The following KCNH8 variants were observed in gnomAD, a reference collection of about 807,000 sequenced individuals.
KCNH8 encodes potassium voltage-gated channel subfamily H member 8.
In KCNH8, 70 loss-of-function variants were observed where a neutral mutation model predicts 103.6. The ratio of observed to expected loss-of-function variants is 0.68; its 90% CI spans 0.56 to 0.82. The LOEUF is 0.82. KCNH8 is among the 40% of genes least tolerant of loss of function. KCNH8 has a pLI of 0.00. For synonymous variants in KCNH8, 498 were observed against 489.4 expected, an observed-to-expected ratio of 1.02 and a Z score of -0.23; for missense variants, 1,217 against 1,329.9, an observed-to-expected ratio of 0.92 and a Z score of 1.32.
At chr3:19,287,486 T>C (rs2064847765) in intron 3 of KCNH8, among the ~76,000 whole-genome samples, 1 of 152,224 alleles carries the variant, frequency 6.6e-6, no homozygotes, top group South Asian at 2.1e-4. Context: ...ATTGTAGCAC[T>C]TTCTTGTATG....
Position 19,513,065 on chromosome 3 carries a change from CT to C in KCNH8, c.2176del (p.Ser726ProfsTer26). 6.2e-7 allele frequency: 1 copy of C among 1,613,618 alleles called. No individual in the cohort carries two copies. Among genetic ancestry groups the C allele is most frequent in the Non-Finnish European group, 8.5e-7 (1 of 1,179,808 alleles). On this transcript the variant is annotated frameshift_variant, in exon 13 of 16. Coordinates refer to ENST00000328405, the MANE Select transcript of KCNH8 (RefSeq NM_144633.3). LOFTEE classifies it high-confidence loss of function. Reference sequence around the variant, plus strand: ...AGGAGGGGGAGGAAGAGGAGGCAGTCTCCCTCTCTCCCATCTGCACAAGGGG... The same window carrying C: ...AGGAGGGGGAGGAAGAGGAGGCAGTCCCCTCTCTCCCATCTGCACAAGGGG... ...EEEGEEEEAV[S>X]LSPICTRGSS...
intron 10 of KCNH8, among the ~76,000 whole-genome samples, chr3:19,452,804 A>G (rs541014879): frequency 5.6e-4 from 85 of 152,298 alleles, no homozygotes; most frequent in African/African-American, 1.9e-3. Flanking sequence ...TGATTTTTCT[A>G]AAGTCAAAGC....
At chr3:19,507,951 G>T (rs183091895) in intron 11 of KCNH8, among the ~76,000 whole-genome samples, 1 of 152,098 alleles carries the variant, frequency 6.6e-6, no homozygotes. Context: ...GACTAATCTG[G>T]GTTATTATCA....
chr3:19,192,384 G>A (rs1022820326), intron 1 of KCNH8, among the ~76,000 whole-genome samples: 8 of 151,652 alleles, frequency 5.3e-5, no homozygotes, highest in East Asian at 1.9e-4. Flanking sequence ...GGGTTCCAAC[G>A]TGCTTTTATT....
intron 11 of KCNH8, among the ~76,000 whole-genome samples, chr3:19,494,042 T>A (rs1423720578): frequency 6.6e-6 from 1 of 152,128 alleles, no homozygotes; most frequent in East Asian, 1.9e-4. Context: ...TGTCTGTTGT[T>A]CTCTTTGTTT....
intron 3 of KCNH8, among the ~76,000 whole-genome samples, chr3:19,288,859 G>A (rs1299268089): frequency 6.6e-6 from 1 of 152,158 alleles, no homozygotes; most frequent in Non-Finnish European, 1.5e-5. Context: ...GTGTAAAAGT[G>A]TTCCTCTTTC....
chr3:19,443,918 C>G (rs1002218999), intron 8 of KCNH8, among the ~76,000 whole-genome samples: 6 of 151,932 alleles, frequency 3.9e-5, no homozygotes, highest in African/African-American at 1.4e-4. Context: ...GTGATGGTTG[C>G]TAACAATGGA....
intron 1 of KCNH8, among the ~76,000 whole-genome samples, chr3:19,149,628 A>G (rs1053270236): frequency 5.9e-5 from 9 of 152,122 alleles, no homozygotes; most frequent in African/African-American, 2.2e-4. Flanking sequence ...CAAGCTCTCT[A>G]CTTGACCCTG....
intron 1 of KCNH8, among the ~76,000 whole-genome samples, chr3:19,178,460 C>T (rs1475855729): frequency 6.6e-6 from 1 of 151,978 alleles, no homozygotes; most frequent in Non-Finnish European, 1.5e-5. Flanking sequence ...TCAAGATACA[C>T]TACAGTAAGA....
chr3:19,529,500 A>G (rs901825903), intron 15 of KCNH8, among the ~76,000 whole-genome samples: 1 of 152,152 alleles, frequency 6.6e-6, no homozygotes, highest in Non-Finnish European at 1.5e-5. Context: ...TTACCATGCT[A>G]TGAAGAAGCA....
At chr3:19,498,348 AGT>A (rs2068491134) in intron 11 of KCNH8, among the ~76,000 whole-genome samples, 1 of 152,032 alleles carries the variant, frequency 6.6e-6, no homozygotes, top group Non-Finnish European at 1.5e-5. Context: ...TGTGTACTTA[AGT>A]GTGTTTTTGT....
chr3:19,226,584 T>TTCTCTCTCTC (rs113627715), intron 1 of KCNH8, among the ~76,000 whole-genome samples: 377 of 148,128 alleles, frequency 2.5e-3, no homozygotes, highest in African/African-American at 9.0e-3. Context: ...CTTTCAGTCT[T>TTCTCTCTCTC]TCTCTCTCTC....
intron 11 of KCNH8, among the ~76,000 whole-genome samples, chr3:19,486,582 AT>A (rs138000158): frequency 0.045 from 6,880 of 151,974 alleles, 227 homozygotes; most frequent in Non-Finnish European, 0.071. Context: ...TGTAACTGCC[AT>A]TTTTTTTCTT....
At chr3:19,258,947 C>CTCTCTATATATATATA (rs1321918245) in intron 2 of KCNH8, among the ~76,000 whole-genome samples, 21 of 24,796 alleles carry the variant, frequency 8.5e-4, no homozygotes, top group Non-Finnish European at 1.4e-3. Context: ...CTCTCTCTCT[C>CTCTCTATATATATATA]TATATATATA....
Position 19,523,198 on chromosome 3 carries a change from T to G in KCNH8, c.2619+5124T>G, listed in dbSNP as rs1283000136. On this transcript the variant is annotated intron_variant, in intron 15 of 15. Coordinates refer to ENST00000328405, the MANE Select transcript of KCNH8 (RefSeq NM_144633.3). Reference sequence around the variant, plus strand: ...CCTCTTTTTTTAGGAATGACTGTGTTTGCATTACATTTCATAATTGGATAA... The same window carrying G: ...CCTCTTTTTTTAGGAATGACTGTGTGTGCATTACATTTCATAATTGGATAA... Among the ~76,000 whole-genome samples the G allele has an allele frequency of 3.3e-5, 5 of 151,886 alleles. No individual in the cohort carries two copies. In the South Asian group the frequency reaches 1.0e-3, roughly 31 times the overall value.
At chr3:19,529,268 T>C (rs1235022546) in intron 15 of KCNH8, among the ~76,000 whole-genome samples, 2 of 152,212 alleles carry the variant, frequency 1.3e-5, no homozygotes, top group South Asian at 2.1e-4. Context: ...TTTGGCTCAT[T>C]TGATCAGAAC....
At chr3:19,514,581 T>C (rs980834727) in intron 13 of KCNH8, among the ~76,000 whole-genome samples, 2 of 151,842 alleles carry the variant, frequency 1.3e-5, no homozygotes, top group African/African-American at 4.8e-5. Context: ...TTTATTTTGT[T>C]TTTTTGTTAC....
At chr3:19,322,319 G>T (rs1156964223) in intron 3 of KCNH8, among the ~76,000 whole-genome samples, 1 of 152,092 alleles carries the variant, frequency 6.6e-6, no homozygotes, top group Admixed American at 6.5e-5. Flanking sequence ...CTATTTTGGT[G>T]TATTTCGAGG....
chr3:19,427,248 T>G (rs547862815), intron 7 of KCNH8, among the ~76,000 whole-genome samples: 3 of 152,298 alleles, frequency 2.0e-5, no homozygotes, highest in African/African-American at 7.2e-5. Flanking sequence ...GATACTGTAG[T>G]TTGGTTATAA....
Sources: gnomAD v4.1 joint callset for allele counts (sites outside exome capture counted in the v4.1 genomes callset) on GRCh38, gnomAD v4.1.1 for gene constraint, MANE v1.5 for transcripts, NCBI Gene and HGNC (gene_info 2026-07-23, HGNC 2026-07-21) for gene names.